HYDIN: variants seen among roughly 807,000 people sequenced by gnomAD.
HYDIN encodes the protein HYDIN axonemal central pair apparatus protein, also known as axonemal central pair apparatus protein HYDIN.
HYDIN carries 132 observed loss-of-function variants against 403.9 expected under a neutral mutation model. The ratio of observed to expected loss-of-function variants is 0.33; its 90% CI spans 0.28 to 0.38. HYDIN has a LOEUF of 0.38. HYDIN is among the 10% of genes least tolerant of loss of function. The pLI, the probability that HYDIN is intolerant of heterozygous loss-of-function variation, is 1.00. For synonymous variants in HYDIN, 1,202 were observed against 1,891.7 expected (o/e 0.64, Z 9.46); for missense variants, 2,827 against 5,009.5 (o/e 0.56, Z 13.15).
At chr16:71,057,001 ACTTTT>A (rs1163278302) in intron 18 of HYDIN, among the ~76,000 whole-genome samples, 5 of 122,340 alleles carry the variant, frequency 4.1e-5, no homozygotes, top group Non-Finnish European at 8.6e-5. Context: ...AGTTGAAACC[ACTTTT>A]CTTTTCTTCT....
chr16:71,095,913 TG>T (rs2144390240), intron 10 of HYDIN, among the ~76,000 whole-genome samples: 1 of 122,334 alleles, frequency 8.2e-6, no homozygotes, highest in South Asian at 3.1e-4. Context: ...CAAATGGGAA[TG>T]TATACTATGT....
At chr16:70,880,793 G>A (rs531851310) in intron 60 of HYDIN, among the ~76,000 whole-genome samples, 21 of 152,290 alleles carry the variant, frequency 1.4e-4, no homozygotes, top group Middle Eastern at 3.4e-3. Flanking sequence ...ATTCAAGACT[G>A]ACTATTCCCT....
intron 9 of HYDIN, among the ~76,000 whole-genome samples, chr16:71,119,912 T>A (rs1373049228): frequency 1.3e-5 from 2 of 152,012 alleles, no homozygotes; most frequent in African/African-American, 4.8e-5. Context: ...CTTCTGAAAT[T>A]AAATTCCATG....
intron 43 of HYDIN, among the ~76,000 whole-genome samples, chr16:70,939,612 G>A (rs1239343950): frequency 2.6e-5 from 4 of 152,206 alleles, no homozygotes; most frequent in Admixed American, 6.5e-5. Flanking sequence ...TGAGGGAGGA[G>A]TTATCATTCT....
chr16:70,852,907 C>G (rs2143587082), intron 73 of HYDIN: 1 of 152,224 alleles, frequency 6.6e-6, no homozygotes, highest in South Asian at 2.1e-4. Context: ...GTTGCAGAGC[C>G]TCATTCCTGT....
Position 71,014,500 on chromosome 16 carries a change from T to C in HYDIN, c.3644+3629A>G, listed in dbSNP as rs553567468. ...GATCCACAGCCTTTGGTGGCGGGCA[T>C]GTGACCAGGTCAACCATGATGAGTG... On this transcript the variant is annotated intron_variant, in intron 23 of 85. Transcript: ENST00000393567. 3.9e-5 allele frequency among the ~76,000 whole-genome samples: 6 copies of C among 151,938 alleles called. No individual in the cohort carries two copies. The East Asian group carries it at 1.2e-3, about 30-fold the overall frequency.
At chr16:70,985,638 GC>G (rs1299990282) in intron 27 of HYDIN, among the ~76,000 whole-genome samples, 1 of 149,638 alleles carries the variant, frequency 6.7e-6, no homozygotes, top group Non-Finnish European at 1.5e-5. Context: ...AAAAAGATTT[GC>G]CTAGTATTCC....
intron 80 of HYDIN, among the ~76,000 whole-genome samples, chr16:70,830,151 G>A (rs60669310): frequency 0.033 from 4,921 of 151,362 alleles, 186 homozygotes; most frequent in African/African-American, 0.12. Flanking sequence ...AAGTGCCAAG[G>A]GGAAAGACAA....
intron 20 of HYDIN, among the ~76,000 whole-genome samples, chr16:71,025,919 C>A (rs1473645998): frequency 2.0e-5 from 3 of 148,244 alleles, no homozygotes; most frequent in Middle Eastern, 3.5e-3. Context: ...TTTTTTTTTT[C>A]AGATGGAGTT....
At chr16:70,872,705 C>CCCAT (rs796279570) in intron 64 of HYDIN, among the ~76,000 whole-genome samples, 96 of 121,134 alleles carry the variant, frequency 7.9e-4, no homozygotes, top group African/African-American at 3.0e-3. Flanking sequence ...TCCCTACCCA[C>CCCAT]CCATCCATCC....
intron 1 of HYDIN, among the ~76,000 whole-genome samples, chr16:71,224,469 A>G (rs2040938886): frequency 6.6e-6 from 1 of 152,090 alleles, no homozygotes; most frequent in African/African-American, 2.4e-5. Flanking sequence ...AGGCTGCTCA[A>G]TTTGCAAATT....
At chr16:70,813,445 C>T (rs1340524184) in intron 84 of HYDIN, among the ~76,000 whole-genome samples, 1 of 152,074 alleles carries the variant, frequency 6.6e-6, no homozygotes, top group Non-Finnish European at 1.5e-5. Flanking sequence ...AATCTAGCCC[C>T]AGTCATGCTT....
chr16:71,006,990 TC>T (rs2079907919), intron 23 of HYDIN, among the ~76,000 whole-genome samples: 1 of 150,292 alleles, frequency 6.7e-6, no homozygotes, highest in Admixed American at 6.7e-5. Flanking sequence ...TCTCCCTCTC[TC>T]CCTGTCTCTT....
chr16:71,089,678 G>A (rs1179065006), intron 11 of HYDIN, among the ~76,000 whole-genome samples: 1 of 152,084 alleles, frequency 6.6e-6, no homozygotes, highest in Non-Finnish European at 1.5e-5. Flanking sequence ...AGTAATTCTA[G>A]TGGGGCATGA....
intron 58 of HYDIN, among the ~76,000 whole-genome samples, chr16:70,884,820 T>C (rs1293746067): frequency 1.3e-5 from 2 of 152,246 alleles, no homozygotes; most frequent in Non-Finnish European, 2.9e-5. Flanking sequence ...GTGCTGACAA[T>C]GCAGTGGCCT....
chr16:71,082,606 G>C (rs577905548), intron 12 of HYDIN, among the ~76,000 whole-genome samples: 1 of 151,696 alleles, frequency 6.6e-6, no homozygotes, highest in Admixed American at 6.6e-5. Flanking sequence ...CACAGAGCAG[G>C]TGGAGTACTA....
intron 18 of HYDIN, among the ~76,000 whole-genome samples, chr16:71,058,707 C>T (rs1265699051): frequency 1.3e-5 from 2 of 150,958 alleles, no homozygotes; most frequent in Non-Finnish European, 2.9e-5. Context: ...TAAAAATTAG[C>T]TTATAGAAGA....
At chr16:70,896,661 T>G (rs1308608750) in intron 53 of HYDIN, among the ~76,000 whole-genome samples, 6 of 149,812 alleles carry the variant, frequency 4.0e-5, no homozygotes, top group Non-Finnish European at 8.9e-5. Flanking sequence ...CAACTGTTTT[T>G]TTTTTTTTTT....
chr16:70,947,330 G>T (rs1042724008), intron 41 of HYDIN, among the ~76,000 whole-genome samples: 2 of 151,450 alleles, frequency 1.3e-5, no homozygotes, highest in Non-Finnish European at 3.0e-5. Context: ...CTGTTTATAT[G>T]CTGTATTACA....
Sources: gnomAD v4.1 joint callset for allele counts (sites outside exome capture counted in the v4.1 genomes callset) on GRCh38, gnomAD v4.1.1 for gene constraint, MANE v1.5 for transcripts, NCBI Gene and HGNC (gene_info 2026-07-23, HGNC 2026-07-21) for gene names.